Variants in XRCC4 observed in about 807,000 individuals in gnomAD.
XRCC4 encodes the protein DNA repair protein XRCC4.
XRCC4 carries 28 observed loss-of-function variants against 39.1 expected under a neutral mutation model. The ratio of observed to expected loss-of-function variants is 0.72; its 90% confidence interval spans 0.53 to 0.98. The LOEUF (loss-of-function observed/expected upper bound fraction) is 0.98, where lower values mean the gene tolerates loss of function less well. Among genes scored for constraint, XRCC4 ranks in the 50% least tolerant of loss-of-function variants. The probability of loss-of-function intolerance (pLI) is 0.00; values close to 1 mark genes in which losing one functional copy is unlikely to be tolerated. For synonymous variants in XRCC4, 123 were observed against 126.4 expected, an observed-to-expected ratio of 0.97 and a Z score of 0.18; for missense variants, 350 against 376.4, an observed-to-expected ratio of 0.93 and a Z score of 0.58.
intron 3 of XRCC4, among the ~76,000 whole-genome samples, chr5:83,134,490 G>A (rs977995335): frequency 2.0e-5 from 3 of 152,144 alleles, no homozygotes; most frequent in African/African-American, 7.2e-5. Context: ...GTTTGTACAC[G>A]CATCAATCAG....
intron 6 of XRCC4, among the ~76,000 whole-genome samples, chr5:83,238,060 A>G (rs1157704256): frequency 1.1e-4 from 17 of 152,136 alleles, no homozygotes; most frequent in Admixed American, 9.8e-4. Flanking sequence ...TACTGCCTCA[A>G]ACTTCTGGGT....
chr5:83,311,059 T>A (rs1299753886), intron 7 of XRCC4: 1 of 256,746 alleles, frequency 3.9e-6, no homozygotes, highest in Non-Finnish European at 7.9e-6. Context: ...ATTTTTATTG[T>A]ATTAAGCCAT....
At chr5:83,367,251 T>C in the XRCC4 span, among the ~76,000 whole-genome samples, 2 of 152,226 alleles carry the variant, frequency 1.3e-5, no homozygotes, top group South Asian at 4.1e-4. Flanking sequence ...TGAGAGGTTG[T>C]CTAAAGTACA....
At chr5:83,345,999 A>C (rs922220129) in intron 7 of XRCC4, among the ~76,000 whole-genome samples, 15 of 152,070 alleles carry the variant, frequency 9.9e-5, no homozygotes, top group Admixed American at 2.0e-4. Flanking sequence ...GTATGAAATT[A>C]AACTAATAGA....
intron 3 of XRCC4, among the ~76,000 whole-genome samples, chr5:83,156,081 T>G (rs1354130503): frequency 6.6e-6 from 1 of 152,148 alleles, no homozygotes; most frequent in Non-Finnish European, 1.5e-5. Flanking sequence ...TTGAAAATGC[T>G]ATTTTCCTGT....
At chr5:83,269,095 C>T (rs552246453) in intron 7 of XRCC4, among the ~76,000 whole-genome samples, 5 of 152,076 alleles carry the variant, frequency 3.3e-5, no homozygotes, top group Admixed American at 1.3e-4. Flanking sequence ...GATGGTCTTT[C>T]GGGTCTCAAG....
intron 7 of XRCC4, among the ~76,000 whole-genome samples, chr5:83,324,857 C>T (rs1337442219): frequency 2.0e-5 from 3 of 152,084 alleles, no homozygotes; most frequent in Non-Finnish European, 4.4e-5. Context: ...AATTCAAGAA[C>T]AAAGCCACTT....
chr5:83,156,479 A>G (rs1009375826), intron 3 of XRCC4, among the ~76,000 whole-genome samples: 6 of 152,116 alleles, frequency 3.9e-5, no homozygotes, highest in African/African-American at 1.4e-4. Flanking sequence ...CAAAGAAAAA[A>G]GGACATTTTA....
chr5:83,122,843 T>TGGC (rs1747075916), intron 3 of XRCC4, among the ~76,000 whole-genome samples: 1 of 152,180 alleles, frequency 6.6e-6, no homozygotes, highest in Non-Finnish European at 1.5e-5. Flanking sequence ...TGTTTGATAT[T>TGGC]ACAGATATCG....
chr5:83,084,852 G>A (rs768687465), intron 1 of XRCC4, among the ~76,000 whole-genome samples: 1 of 151,920 alleles, frequency 6.6e-6, no homozygotes, highest in African/African-American at 2.4e-5. Context: ...CATTATTGTC[G>A]CAGCCTATAA....
chr5:83,168,332 G>A (rs540279552), intron 3 of XRCC4, among the ~76,000 whole-genome samples: 36 of 152,240 alleles, frequency 2.4e-4, no homozygotes, highest in African/African-American at 8.7e-4. Context: ...AAAATAATCT[G>A]GAGAATGTGT....
chr5:83,199,962 G>A (rs1353957466), intron 4 of XRCC4, among the ~76,000 whole-genome samples: 2 of 151,946 alleles, frequency 1.3e-5, no homozygotes, highest in Admixed American at 1.3e-4. Context: ...GGACTAGTGT[G>A]GTCTGATCTA....
chr5:83,192,752 A>G (rs1750769486), intron 3 of XRCC4, among the ~76,000 whole-genome samples: 1 of 152,170 alleles, frequency 6.6e-6, no homozygotes, highest in Non-Finnish European at 1.5e-5. Flanking sequence ...TAAAATTGAG[A>G]ACTAACTACA....
At chr5:83,368,475 C>A in the XRCC4 span, among the ~76,000 whole-genome samples, 2 of 152,106 alleles carry the variant, frequency 1.3e-5, no homozygotes, top group South Asian at 4.1e-4. Flanking sequence ...GGCAACAAAA[C>A]CTGGTGCTGG....
chr5:83,088,936 T>C (rs1745300850), intron 1 of XRCC4, among the ~76,000 whole-genome samples: 1 of 152,214 alleles, frequency 6.6e-6, no homozygotes, highest in Non-Finnish European at 1.5e-5. Flanking sequence ...CTTTTTAGGA[T>C]TTTGTTTCAA....
chr5:83,085,151 C>T (rs1460120490), intron 1 of XRCC4, among the ~76,000 whole-genome samples: 1 of 152,136 alleles, frequency 6.6e-6, no homozygotes, highest in Non-Finnish European at 1.5e-5. Context: ...TCTAATTTTA[C>T]CTGAGCAGTG....
At chr5:83,260,686 A>G (rs1002130154) in intron 7 of XRCC4, among the ~76,000 whole-genome samples, 36 of 152,216 alleles carry the variant, frequency 2.4e-4, no homozygotes, top group African/African-American at 8.2e-4. Flanking sequence ...TTAGCTTTTT[A>G]ATAAAGATAA....
intron 4 of XRCC4, 54 bp from the exon 5 acceptor site, chr5:83,203,498 G>A: frequency 2.8e-6 from 4 of 1,424,352 alleles, no homozygotes; most frequent in South Asian, 1.5e-5. Context: ...GCTGAATTAT[G>A]TTAATGCTAA....
At chr5:83,108,833 A>G (rs575170504) in intron 2 of XRCC4, among the ~76,000 whole-genome samples, 1 of 148,388 alleles carries the variant, frequency 6.7e-6, no homozygotes, top group African/African-American at 2.5e-5. Flanking sequence ...TATTCCTTAA[A>G]TAGGAAGCAT....
Sources: gnomAD v4.1 joint callset for allele counts (sites outside exome capture counted in the v4.1 genomes callset) on GRCh38, gnomAD v4.1.1 for gene constraint, MANE v1.5 for transcripts, NCBI Gene and HGNC (gene_info 2026-07-23, HGNC 2026-07-21) for gene names.